AP1S3: variants seen among roughly 807,000 people sequenced by gnomAD.
AP1S3 encodes the protein adaptor related protein complex 1 subunit sigma 3, also known as AP-1 complex subunit sigma-3.
In AP1S3, 10 loss-of-function variants were observed where a neutral mutation model predicts 20.9. The observed-to-expected ratio is 0.48, with a 90% confidence interval of 0.29 to 0.81. The LOEUF (loss-of-function observed/expected upper bound fraction) is 0.81. Ranked by LOEUF, AP1S3 falls within the 30% of genes least tolerant of loss-of-function variation. AP1S3 has a pLI of 0.08. For synonymous variants in AP1S3, 41 were observed against 61.5 expected (o/e 0.67, Z 1.56); for missense variants, 154 against 183.8 (o/e 0.84, Z 0.94).
intron 1 of AP1S3, among the ~76,000 whole-genome samples, chr2:223,820,189 G>A (rs1295330033): frequency 6.6e-6 from 1 of 152,054 alleles, no homozygotes; most frequent in Non-Finnish European, 1.5e-5. Context: ...CAGACTGAAA[G>A]ACATTTATCT....
At chr2:223,794,115 T>G (rs1204024544) in intron 1 of AP1S3, among the ~76,000 whole-genome samples, 3 of 152,162 alleles carry the variant, frequency 2.0e-5, no homozygotes, top group Non-Finnish European at 4.4e-5. Context: ...TCATTTTGCA[T>G]TTTTCTTCCT....
At chr2:223,822,202 C>T (rs1335919486) in intron 1 of AP1S3, among the ~76,000 whole-genome samples, 1 of 151,662 alleles carries the variant, frequency 6.6e-6, no homozygotes, top group East Asian at 1.9e-4. Flanking sequence ...CCAGCCTGGG[C>T]AATATAGTGA....
intron 3 of AP1S3, among the ~76,000 whole-genome samples, chr2:223,772,420 A>G (rs1204521578): frequency 6.6e-6 from 1 of 152,068 alleles, no homozygotes; most frequent in Non-Finnish European, 1.5e-5. Flanking sequence ...CCTACATCAA[A>G]TTCAAAAGCT....
chr2:223,759,535 C>T (rs180997775), intron 4 of AP1S3, among the ~76,000 whole-genome samples: 38 of 152,284 alleles, frequency 2.5e-4, no homozygotes. Context: ...AATTTCTTTA[C>T]TTCTCTACAA....
At chr2:223,772,654 T>TA (rs35670325) in intron 3 of AP1S3, among the ~76,000 whole-genome samples, 2,063 of 150,992 alleles carry the variant, frequency 0.014, 67 homozygotes, top group East Asian at 0.096. Context: ...TGAAAAGTGC[T>TA]AAAAAAAAAT....
At chr2:223,829,896 G>C (rs1692219947) in intron 1 of AP1S3, among the ~76,000 whole-genome samples, 1 of 151,958 alleles carries the variant, frequency 6.6e-6, no homozygotes, top group Admixed American at 6.6e-5. Flanking sequence ...CTTGTCCGTG[G>C]CACTTTCACT....
chr2:223,834,508 T>G (rs979065777), intron 1 of AP1S3, among the ~76,000 whole-genome samples: 9 of 152,084 alleles, frequency 5.9e-5, no homozygotes, highest in Non-Finnish European at 1.3e-4. Context: ...GAGGATGCCT[T>G]GAGTCCACTG....
At chr2:223,794,331 C>T (rs573953121) in intron 1 of AP1S3, among the ~76,000 whole-genome samples, 7 of 151,500 alleles carry the variant, frequency 4.6e-5, no homozygotes, top group South Asian at 2.1e-4. Context: ...CCAGTCTGGG[C>T]GACACAGAGA....
At position 223,812,041 on chromosome 2, in the gene AP1S3, A is replaced by G. The variant is rs1291691229; in HGVS notation, c.3+25407T>C. ...CTTTATCCACAAGGCAATGATAACC[A>G]TATATTCTTCAAAATATTGGAATCC... On this transcript the variant is annotated intron_variant, in intron 1 of 4. Coordinates refer to ENST00000396654, the MANE Select transcript of AP1S3 (RefSeq NM_001039569.2). 2.0e-5 allele frequency among the ~76,000 whole-genome samples: 3 copies of G among 152,216 alleles called. No individual in the cohort carries two copies. The East Asian group carries it at 5.8e-4, about 29-fold the overall frequency.
intron 1 of AP1S3, among the ~76,000 whole-genome samples, chr2:223,836,483 T>C (rs562063423): frequency 1.3e-5 from 2 of 152,284 alleles, no homozygotes; most frequent in East Asian, 1.9e-4. Context: ...CTCACCCCTG[T>C]AATCCCTACA....
chr2:223,816,440 A>G (rs565672786), intron 1 of AP1S3, among the ~76,000 whole-genome samples: 10 of 152,338 alleles, frequency 6.6e-5, no homozygotes, highest in Admixed American at 5.2e-4. Flanking sequence ...ATGAACACGT[A>G]GCTTTGCTAA....
At chr2:223,812,459 T>A (rs1265845103) in intron 1 of AP1S3, among the ~76,000 whole-genome samples, 1 of 152,178 alleles carries the variant, frequency 6.6e-6, no homozygotes, top group African/African-American at 2.4e-5. Flanking sequence ...TGACTTCAGG[T>A]GATCAGCCCG....
At chr2:223,785,852 CA>C (rs1447403861) in intron 1 of AP1S3, among the ~76,000 whole-genome samples, 1 of 152,148 alleles carries the variant, frequency 6.6e-6, no homozygotes. Context: ...TAAATTTGTC[CA>C]AACTGATAGA....
chr2:223,776,937 C>T (rs979930274), intron 2 of AP1S3, among the ~76,000 whole-genome samples: 1 of 152,152 alleles, frequency 6.6e-6, no homozygotes, highest in African/African-American at 2.4e-5. Flanking sequence ...TAAGAGCTGC[C>T]CCACTGAACA....
chr2:223,818,515 T>C (rs1333228131), intron 1 of AP1S3, among the ~76,000 whole-genome samples: 2 of 151,990 alleles, frequency 1.3e-5, no homozygotes, highest in Non-Finnish European at 2.9e-5. Flanking sequence ...TTTGCAGTTA[T>C]AAGCAATGTT....
chr2:223,770,619 A>G (rs537356847), intron 3 of AP1S3, among the ~76,000 whole-genome samples: 5 of 152,170 alleles, frequency 3.3e-5, no homozygotes, highest in Non-Finnish European at 5.9e-5. Flanking sequence ...ACAACTGAGC[A>G]ACTATTTCAC....
intron 4 of AP1S3, among the ~76,000 whole-genome samples, chr2:223,762,576 G>T (rs534412589): frequency 2.2e-4 from 33 of 152,172 alleles, no homozygotes; most frequent in African/African-American, 7.5e-4. Flanking sequence ...CCCAGACAGA[G>T]GGTTTAATTT....
chr2:223,834,849 C>CAA (rs200468811), intron 1 of AP1S3, among the ~76,000 whole-genome samples: 2 of 148,094 alleles, frequency 1.4e-5, no homozygotes, highest in South Asian at 4.3e-4. Context: ...TTTTCCAAAG[C>CAA]AAAAAAAAAA....
chr2:223,834,092 G>C (rs996371526), intron 1 of AP1S3, among the ~76,000 whole-genome samples: 3 of 152,080 alleles, frequency 2.0e-5, no homozygotes, highest in Non-Finnish European at 2.9e-5. Context: ...ATTTTTAGTA[G>C]AGACAGTGTT....
Sources: gnomAD v4.1 joint callset for allele counts (sites outside exome capture counted in the v4.1 genomes callset) on GRCh38, gnomAD v4.1.1 for gene constraint, MANE v1.5 for transcripts, NCBI Gene and HGNC (gene_info 2026-07-23, HGNC 2026-07-21) for gene names.